The following AGT variants were observed in gnomAD, a reference collection of about 807,000 sequenced individuals.
The protein encoded by AGT is alpha-1 antiproteinase, antitrypsin.
A neutral mutation model predicts 28.1 loss-of-function variants in AGT; 26 were observed. That is an observed-to-expected ratio of 0.92 (90% confidence interval 0.68 to 1.28). The LOEUF (loss-of-function observed/expected upper bound fraction) is 1.28, where lower values mean the gene tolerates loss of function less well. Ranked by LOEUF, AGT falls within the 50% of genes most tolerant of loss-of-function variation. AGT has a pLI of 0.00. For synonymous variants in AGT, 259 were observed against 259.6 expected (o/e 1.00, Z 0.02); for missense variants, 596 against 592.3 (o/e 1.01, Z -0.06).
intron 1 of AGT, among the ~76,000 whole-genome samples, chr1:230,711,974 A>G (rs1663604012): frequency 6.6e-6 from 1 of 151,712 alleles, no homozygotes; most frequent in Admixed American, 6.6e-5. Context: ...CTACCCTGAG[A>G]CCCCCAGAAG....
At chr1:230,722,170 A>AC (rs1189208611) in intron 1 of AGT, among the ~76,000 whole-genome samples, 2 of 152,246 alleles carry the variant, frequency 1.3e-5, no homozygotes, top group Non-Finnish European at 1.5e-5. Context: ...AGCTCAGGCC[A>AC]TTGCTTCAGA....
intron 1 of AGT, among the ~76,000 whole-genome samples, chr1:230,735,272 G>T (rs1405160228): frequency 6.6e-6 from 1 of 152,158 alleles, no homozygotes; most frequent in African/African-American, 2.4e-5. Context: ...AGGGGGCACA[G>T]TGCTGTTTCT....
intron 1 of AGT, among the ~76,000 whole-genome samples, chr1:230,725,523 C>T (rs1663924973): frequency 6.6e-6 from 1 of 152,146 alleles, no homozygotes; most frequent in African/African-American, 2.4e-5. Context: ...GAGTTCTGCT[C>T]ACCATTTAAT....
chr1:230,736,434 G>A (rs1463965917), intron 1 of AGT, among the ~76,000 whole-genome samples: 1 of 152,120 alleles, frequency 6.6e-6, no homozygotes, highest in Admixed American at 6.5e-5. Context: ...CAGGAGAATG[G>A]CGTGAACCCA....
upstream of AGT, among the ~76,000 whole-genome samples, chr1:230,719,541 G>A (rs1219778300): frequency 6.6e-6 from 1 of 151,704 alleles, no homozygotes; most frequent in Non-Finnish European, 1.5e-5. Context: ...CCTAGGAGCT[G>A]GGACTACAGG....
Position 230,706,139 on chromosome 1 carries a change from G to T in AGT, c.891C>A (p.Thr297=). 1 of 1,614,094 alleles carries T rather than the reference G, an allele frequency of 6.2e-7. No homozygotes were observed. The highest frequency in any genetic ancestry group is 8.5e-7 in the Non-Finnish European group (1 of 1,180,008). ...EPQEFWVDNS[T]SVSVPMLSGM... ...CAGAGAGCATGGGAACAGACACTGA[G>T]GTGCTGTTGTCCACCCAGAACTCCT... Residue 297 remains threonine (T), a synonymous_variant, in exon 3 of 5, where the codon ACC becomes ACA. Transcript: ENST00000366667.
At chr1:230,742,958 A>G (rs1332156837) in intron 1 of AGT, among the ~76,000 whole-genome samples, 1 of 152,118 alleles carries the variant, frequency 6.6e-6, no homozygotes, top group Non-Finnish European at 1.5e-5. Flanking sequence ...AAAAGGAGAC[A>G]CCAATTTACA....
chr1:230,742,712 C>T (rs1192617903), intron 1 of AGT, among the ~76,000 whole-genome samples: 2 of 152,206 alleles, frequency 1.3e-5, no homozygotes, highest in East Asian at 3.8e-4. Flanking sequence ...CACTGTTCCA[C>T]TTCATGATTA....
intron 1 of AGT, among the ~76,000 whole-genome samples, chr1:230,744,206 T>C (rs2478541): frequency 0.66 from 99,713 of 152,090 alleles, 34,989 homozygotes; most frequent in African/African-American, 0.9. Context: ...AGACCTTAGA[T>C]TGCATGGCTG....
upstream of AGT, among the ~76,000 whole-genome samples, chr1:230,715,864 G>T (rs1383689667): frequency 2.0e-5 from 3 of 152,182 alleles, no homozygotes; most frequent in Non-Finnish European, 4.4e-5. Context: ...TTTCCACTGT[G>T]CCTGGGCCTC....
At chr1:230,717,814 G>A (rs772248485), upstream of AGT, among the ~76,000 whole-genome samples, 25 of 152,160 alleles carry the variant, frequency 1.6e-4, no homozygotes, top group Admixed American at 2.6e-4. Flanking sequence ...TGTAAAATGG[G>A]CTCATTAGGG....
intron 1 of AGT, among the ~76,000 whole-genome samples, chr1:230,713,613 T>C (rs2493134): frequency 0.57 from 87,298 of 152,018 alleles, 27,530 homozygotes; most frequent in East Asian, 0.83. Flanking sequence ...TTCAGGGAGA[T>C]GGTGACCAGC....
chr1:230,715,010 G>A (rs1303812279), upstream of AGT, among the ~76,000 whole-genome samples: 1 of 152,074 alleles, frequency 6.6e-6, no homozygotes, highest in African/African-American at 2.4e-5. Flanking sequence ...TAAATACATG[G>A]TATTAGGGCA....
chr1:230,734,499 T>C (rs1664121170), intron 1 of AGT, among the ~76,000 whole-genome samples: 1 of 152,124 alleles, frequency 6.6e-6, no homozygotes, highest in Non-Finnish European at 1.5e-5. Flanking sequence ...CAAATATACT[T>C]GATGCCAATG....
intron 1 of AGT, among the ~76,000 whole-genome samples, chr1:230,739,916 A>G (rs1238649175): frequency 6.6e-6 from 1 of 152,252 alleles, no homozygotes; most frequent in African/African-American, 2.4e-5. Flanking sequence ...ATTCAGGACG[A>G]GTCTATAGAT....
In AGT at chr1:230,702,791, G is replaced by A. The variant is rs61751081; in HGVS notation, c.*350C>T. The A allele has an allele frequency of 8.9e-5, 25 of 281,842 alleles. No homozygotes were observed. The highest frequency in any genetic ancestry group is 5.3e-4 in the African/African-American group (25 of 46,816). 17.5% of individuals were successfully genotyped at this position (281,842 alleles called of 1,614,324 possible). On this transcript the variant is annotated 3_prime_UTR_variant, in exon 5 of 5. Transcript: ENST00000366667. ...AATTTTTGTTCTCAACTTGAAAAGGGAACACTTTTTTGTTTCACAAACAAG... is the reference window on the plus strand; with the variant it reads ...AATTTTTGTTCTCAACTTGAAAAGGAAACACTTTTTTGTTTCACAAACAAG...
In AGT at chr1:230,710,933, T is replaced by C. The variant is rs11122576; in HGVS notation, c.-30-80A>G. 141,814 of 1,517,660 alleles carry C rather than the reference T, an allele frequency of 0.093. 8,918 individuals carry two copies. The highest frequency in any genetic ancestry group is 0.34 in the East Asian group (15,127 of 44,370). The allele number at this position is 1,517,660 out of a possible 1,614,324, so 94.0% of individuals were successfully genotyped here. Reference sequence around the variant, plus strand: ...CCATCTAACCAGATCTTTCATTGTCTCAATATTCCCTGTCACCATTTAGCC... The same window carrying C: ...CCATCTAACCAGATCTTTCATTGTCCCAATATTCCCTGTCACCATTTAGCC... On this transcript the variant is annotated intron_variant, in intron 1 of 4. Transcript: ENST00000366667.
intron 3 of AGT, among the ~76,000 whole-genome samples, chr1:230,705,363 G>A (rs1431608302): frequency 6.6e-6 from 1 of 152,190 alleles, no homozygotes; most frequent in Non-Finnish European, 1.5e-5. Flanking sequence ...TCCAGGCCTC[G>A]ATGATCTGGG....
intron 1 of AGT, among the ~76,000 whole-genome samples, chr1:230,732,236 A>G (rs1664082540): frequency 6.6e-6 from 1 of 152,194 alleles, no homozygotes; most frequent in Non-Finnish European, 1.5e-5. Context: ...CTGGGCCTCA[A>G]GCAATCATTC....
Sources: allele counts gnomAD v4.1 joint callset (sites outside exome capture counted in the v4.1 genomes callset), GRCh38; gene constraint gnomAD v4.1.1; transcripts MANE v1.5; gene names NCBI Gene and HGNC (gene_info 2026-07-23, HGNC 2026-07-21).